Variants in MDM2 observed in about 807,000 individuals in gnomAD.
MDM2 encodes the protein MDM2 proto-oncogene.
Under a neutral mutation model 64.3 loss-of-function variants are expected in MDM2, and 11 were observed. That is an observed-to-expected ratio of 0.17 (90% CI 0.11 to 0.28). The LOEUF (loss-of-function observed/expected upper bound fraction) is 0.28. Ranked by LOEUF, MDM2 falls within the 10% of genes least tolerant of loss-of-function variation. MDM2 has a pLI of 1.00. For missense variants in MDM2, 388 were observed against 577.1 expected, an observed-to-expected ratio of 0.67 and a Z score of 3.36; for synonymous variants, 194 against 192.9, an observed-to-expected ratio of 1.01 and a Z score of -0.05.
rs981402718 is a variant in MDM2 at position 68,841,427 on chromosome 12, C to G, written c.*1578C>G. 1.5e-5 allele frequency: 3 copies of G among 206,400 alleles called. No homozygotes were observed. The highest frequency in any genetic ancestry group is 4.6e-5 in the African/African-American group (2 of 43,756). The allele number at this position is 206,400 out of a possible 1,614,324, so 12.8% of individuals were successfully genotyped here. Reference sequence around the variant, plus strand: ...TAAAAATGTACTTATTCTCCAGCCTCTTTTGTATAAACCATAGTAAGGGAT... The same window carrying G: ...TAAAAATGTACTTATTCTCCAGCCTGTTTTGTATAAACCATAGTAAGGGAT... On this transcript the variant is annotated 3_prime_UTR_variant, in exon 11 of 11. Transcript: ENST00000258149.
rs1880542126 is a variant in MDM2 at position 68,808,370 on chromosome 12, C to T, written c.-108C>T. 3.4e-6 allele frequency: 5 copies of T among 1,473,454 alleles called. No homozygotes were observed. The East Asian group carries it at 6.9e-5, about 20-fold the overall frequency. The allele number at this position is 1,473,454 out of a possible 1,614,324, so 91.3% of individuals were successfully genotyped here. The stretch of plus-strand genomic sequence containing the variant: ...CGTACGAGCGCCCAGTGCCCTGGCC[C>T]GGAGAGTGGAATGATCCCCGAGGCC... On this transcript the variant is annotated 5_prime_UTR_variant, in exon 1 of 11. Transcript: ENST00000258149.
At chr12:68,826,397 C>T (rs1198027709) in intron 7 of MDM2, among the ~76,000 whole-genome samples, 1 of 151,690 alleles carries the variant, frequency 6.6e-6, no homozygotes, top group Non-Finnish European at 1.5e-5. Context: ...ACCTGTAATC[C>T]CAGCACTTTG....
rs183015384 is a variant in MDM2 at position 68,844,248 on chromosome 12, C to G, written c.*4399C>G. 1.8e-4 allele frequency: 38 copies of G among 213,994 alleles called. No homozygotes were observed. Among genetic ancestry groups the G allele is most frequent in the African/African-American group, 8.3e-4 (37 of 44,352 alleles). The allele number at this position is 213,994 out of a possible 1,614,324, so 13.3% of individuals were successfully genotyped here. A position where few individuals can be genotyped will look rare whatever the true frequency, so the allele number is the denominator to read the frequency against. On this transcript the variant is annotated 3_prime_UTR_variant, in exon 11 of 11. Coordinates refer to ENST00000258149, the MANE Select transcript of MDM2 (RefSeq NM_002392.6). The stretch of plus-strand genomic sequence containing the variant: ...GTTAAAATAGAAATTATTTGAATAT[C>G]ATATATTTGGGTAACAAAAGGCACA...
intron 8 of MDM2, among the ~76,000 whole-genome samples, chr12:68,829,443 G>A (rs1882614150): frequency 6.6e-6 from 1 of 152,108 alleles, no homozygotes. Context: ...TAGACATCAG[G>A]TAAGTTCTAT....
chr12:68,822,382 T>TG (rs56090443), intron 5 of MDM2, among the ~76,000 whole-genome samples: 17 of 151,796 alleles, frequency 1.1e-4, no homozygotes, highest in Non-Finnish European at 1.5e-4. Context: ...TTTTTTTTTT[T>TG]GAGCTTTAGA....
chr12:68,836,087 A>G (rs918535265), intron 9 of MDM2, 103 bp downstream of exon 9: 6 of 1,041,058 alleles, frequency 5.8e-6, no homozygotes, highest in Admixed American at 3.1e-5. Flanking sequence ...TTCACTTGAA[A>G]TCTTTACCTC....
chr12:68,820,044 T>G (rs1471372444), intron 4 of MDM2, among the ~76,000 whole-genome samples: 1 of 152,188 alleles, frequency 6.6e-6, no homozygotes, highest in Non-Finnish European at 1.5e-5. Context: ...TTGGGGGTCT[T>G]CTGGTAAAGT....
chr12:68,839,335 G>A lies in MDM2; in HGVS notation c.980G>A (p.Arg327Lys), dbSNP rs372778876. The change falls in exon 11 of 11, where the codon AGA becomes AAA. Residue 327 changes from arginine (R) to lysine (K), a missense_variant. Physicochemically the swap from Arg to Lys is conservative, Grantham distance 26 (BLOSUM62 2). Coordinates refer to ENST00000258149, the MANE Select transcript of MDM2 (RefSeq NM_002392.6). The stretch of plus-strand genomic sequence containing the variant: ...CCCCCCCTTCCATCACATTGCAACA[G>A]ATGTTGGGCCCTTCGTGAGAATTGG... The part of the protein sequence containing the change: ...MNPPLPSHCN[R>K]CWALRENWLP... 1.2e-6 allele frequency: 2 copies of A among 1,613,830 alleles called. No homozygotes were observed. Among genetic ancestry groups the A allele is most frequent in the East Asian group, 2.2e-5 (1 of 44,858 alleles).
At chr12:68,811,601 A>ATTTTTTTT (rs34328350) in intron 2 of MDM2, among the ~76,000 whole-genome samples, 3 of 114,364 alleles carry the variant, frequency 2.6e-5, no homozygotes, top group Admixed American at 9.5e-5. Context: ...TCCATTACAG[A>ATTTTTTTT]TTTTTTTTTT....
intron 2 of MDM2, among the ~76,000 whole-genome samples, chr12:68,813,160 C>G (rs1881055064): frequency 6.6e-6 from 1 of 152,068 alleles, no homozygotes; most frequent in African/African-American, 2.4e-5. Context: ...GTTCTCTAGC[C>G]TTCAGGAACC....
At chr12:68,821,265 C>T (rs1260660942) in intron 5 of MDM2, among the ~76,000 whole-genome samples, 1 of 151,998 alleles carries the variant, frequency 6.6e-6, no homozygotes, top group Non-Finnish European at 1.5e-5. Flanking sequence ...CCAGGCTGGT[C>T]TCGAACTCCT....
At chr12:68,830,378 CTAACGGAGCTGTTACTTATGTA>C (rs1882696400) in intron 8 of MDM2, among the ~76,000 whole-genome samples, 2 of 152,086 alleles carry the variant, frequency 1.3e-5, no homozygotes, top group African/African-American at 2.4e-5. Flanking sequence ...GTTACTGTAC[CTAACGGAGCTGTTACTTATGTA>C]GACCGCTAGA....
Position 68,808,884 on chromosome 12 carries a change from G to A in MDM2, c.15-324G>A, listed in dbSNP as rs1046996914. The A allele has an allele frequency of 5.9e-6, 8 of 1,360,574 alleles. No individual in the cohort carries two copies. The African/African-American group carries it at 1.0e-4, about 18-fold the overall frequency. The allele number at this position is 1,360,574 out of a possible 1,614,324, so 84.3% of individuals were successfully genotyped here. On this transcript the variant is annotated intron_variant, in intron 1 of 10. Transcript: ENST00000258149. ...GCGTAGTCTGGGCGGGATTGGGCCG[G>A]TTCAGTGGGCAGGTTGACTCAGCTT...
intron 5 of MDM2, among the ~76,000 whole-genome samples, chr12:68,821,647 T>TG (rs1881865111): frequency 1.3e-5 from 2 of 152,108 alleles, no homozygotes; most frequent in African/African-American, 4.8e-5. Context: ...TTTTTGAGGC[T>TG]GGGAGGTCAG....
chr12:68,836,796 C>A, intron 10 of MDM2, 47 bp downstream of exon 10: 2 of 1,206,032 alleles, frequency 1.7e-6, no homozygotes, highest in South Asian at 1.2e-5. Flanking sequence ...TCATTAAGGT[C>A]AAGATTAGGA....
intron 5 of MDM2, 95 bp from the exon 6 acceptor site, chr12:68,824,268 A>C: frequency 1.3e-6 from 1 of 778,994 alleles, no homozygotes; most frequent in Non-Finnish European, 2.1e-6. Context: ...TAAATTGCAT[A>C]AGGGTTTGTG....
chr12:68,824,850 G>A, intron 7 of MDM2, 199 bp downstream of exon 7: 1 of 543,790 alleles, frequency 1.8e-6, no homozygotes, highest in South Asian at 2.2e-5. Flanking sequence ...ACTACAGCAG[G>A]CACAGTTTAC....
chr12:68,809,424 C>T, intron 2 of MDM2, 132 bp downstream of exon 2: 1 of 822,756 alleles, frequency 1.2e-6, no homozygotes, highest in Middle Eastern at 2.8e-4. Context: ...AGTGTGCTAC[C>T]TCTGGCGTAA....
At chr12:68,823,692 A>G (rs1882061860) in intron 5 of MDM2, among the ~76,000 whole-genome samples, 1 of 152,136 alleles carries the variant, frequency 6.6e-6, no homozygotes, top group African/African-American at 2.4e-5. Flanking sequence ...TAAAATTACC[A>G]TTTAGGGGTT....
Sources: gnomAD v4.1 joint callset for allele counts (sites outside exome capture counted in the v4.1 genomes callset) on GRCh38, gnomAD v4.1.1 for gene constraint, MANE v1.5 for transcripts, NCBI Gene and HGNC (gene_info 2026-07-23, HGNC 2026-07-21) for gene names.